TDRD9: variants seen among roughly 807,000 people sequenced by gnomAD.
The protein encoded by TDRD9 is ATP-dependent RNA helicase TDRD9.
A neutral mutation model predicts 172.6 loss-of-function variants in TDRD9; 124 were observed. The ratio of observed to expected loss-of-function variants is 0.72; its 90% CI spans 0.62 to 0.83. The LOEUF (loss-of-function observed/expected upper bound fraction) is 0.83, where lower values mean the gene tolerates loss of function less well. Ranked by LOEUF, TDRD9 falls within the 40% of genes least tolerant of loss-of-function variation. The pLI is 0.00. For missense variants in TDRD9, 1,479 were observed against 1,714.1 expected, an observed-to-expected ratio of 0.86 and a Z score of 2.42; for synonymous variants, 619 against 617.1, an observed-to-expected ratio of 1.00 and a Z score of -0.05.
At chr14:104,050,552 C>T (rs886685422) in intron 35 of TDRD9, among the ~76,000 whole-genome samples, 6 of 152,204 alleles carry the variant, frequency 3.9e-5, no homozygotes, top group Admixed American at 6.5e-5. Flanking sequence ...GGCAGTCTTC[C>T]CCTCCCCTTT....
At chr14:104,004,128 A>G in intron 13 of TDRD9, 110 bp from the exon 14 acceptor site, 1 of 510,730 alleles carries the variant, frequency 2.0e-6, no homozygotes, top group Non-Finnish European at 3.6e-6. Flanking sequence ...CTGGTGGAAG[A>G]TACTTAAGGC....
chr14:103,979,288 T>C (rs2033376316), intron 7 of TDRD9, among the ~76,000 whole-genome samples: 1 of 152,264 alleles, frequency 6.6e-6, no homozygotes. Flanking sequence ...CCATCTGTTG[T>C]ACACCTAGGT....
chr14:103,955,837 T>C, intron 2 of TDRD9, 67 bp downstream of exon 2: 1 of 1,329,396 alleles, frequency 7.5e-7, no homozygotes, highest in Non-Finnish European at 1.1e-6. Flanking sequence ...AATATTAGGT[T>C]CATAGTGCAT....
chr14:104,014,285 CTTT>C (rs977891365), intron 20 of TDRD9, among the ~76,000 whole-genome samples: 1 of 141,378 alleles, frequency 7.1e-6, no homozygotes, highest in African/African-American at 2.6e-5. Flanking sequence ...GAGATTATTT[CTTT>C]TTTTTTTTGG....
At chr14:103,946,505 C>T (rs2031567106) in intron 1 of TDRD9, among the ~76,000 whole-genome samples, 1 of 152,156 alleles carries the variant, frequency 6.6e-6, no homozygotes, top group Admixed American at 6.5e-5. Flanking sequence ...GAGGTTGCCG[C>T]CTTTCACCAC....
chr14:104,049,199 G>T (rs531224621), intron 34 of TDRD9, among the ~76,000 whole-genome samples: 208 of 151,938 alleles, frequency 1.4e-3, no homozygotes, highest in African/African-American at 4.6e-3. Flanking sequence ...TTTTTAGTGG[G>T]GAGAGGCTCT....
At chr14:104,011,883 CCA>C (rs2034623305) in intron 20 of TDRD9, among the ~76,000 whole-genome samples, 1 of 151,802 alleles carries the variant, frequency 6.6e-6, no homozygotes, top group Non-Finnish European at 1.5e-5. Flanking sequence ...TTTATTTTAG[CCA>C]AAGGATATGG....
At chr14:104,035,997 G>C (rs565086667) in intron 32 of TDRD9, among the ~76,000 whole-genome samples, 14 of 151,582 alleles carry the variant, frequency 9.2e-5, no homozygotes, top group African/African-American at 2.9e-4. Context: ...TTTTTTTTTA[G>C]TTGTAAGAAT....
rs1177848393 is a variant in TDRD9, at chr14:103,998,727, A to G, written c.1482A>G (p.Lys494=). The change falls in exon 13 of 36, where the codon AAA becomes AAG. Residue 494 remains lysine (K), a splice_region_variant and synonymous_variant. Transcript: ENST00000409874. ...CTAAAACCAGCTGTAATCAGAGAAA[A>G]GGTAAGACATTTGTGTTAAAGCACA... ...WASKTSCNQR[K]GRAGRVSRGY... 1 of 1,509,082 alleles carries G rather than the reference A, an allele frequency of 6.6e-7. No individual in the cohort carries two copies. The highest frequency in any genetic ancestry group is 9.2e-7 in the Non-Finnish European group (1 of 1,084,310). The allele number at this position is 1,509,082 out of a possible 1,614,324, so 93.5% of individuals were successfully genotyped here. A position where few individuals can be genotyped will look rare whatever the true frequency, so the allele number is the denominator to read the frequency against.
At position 103,938,434 on chromosome 14, in the gene TDRD9, A is replaced by ATTTTTT. The variant is rs1167863822; in HGVS notation, c.215+9711_215+9712insTTTTTT. Among the ~76,000 whole-genome samples, 174 of 34,862 alleles carry ATTTTTT rather than the reference A, an allele frequency of 5.0e-3. 3 individuals are homozygous for ATTTTTT. Among genetic ancestry groups the ATTTTTT allele is most frequent in the African/African-American group, 0.011 (111 of 9,954 alleles). The allele number at this position is 34,862 out of a possible 152,430, so 22.9% of individuals were successfully genotyped here. On this transcript the variant is annotated intron_variant, in intron 1 of 35. Transcript: ENST00000409874. ...TGTGTGTATATATATATATATATATATATATATTTTTTTTTTTTTTTTGAG... is the reference window on the plus strand; with the variant it reads ...TGTGTGTATATATATATATATATATATTTTTTTATATATTTTTTTTTTTTTTTTGAG...
In TDRD9 at chr14:103,947,389, G is replaced by T. The variant is rs190745727; in HGVS notation, c.216-8275G>T. The stretch of plus-strand genomic sequence containing the variant: ...CTGTCGCCCAGGCTGAAGTGCAGTG[G>T]CGATTTCTACTCACTGCAAGCTCTG... On this transcript the variant is annotated intron_variant, in intron 1 of 35. Coordinates refer to ENST00000409874, the MANE Select transcript of TDRD9 (RefSeq NM_153046.3). Among the ~76,000 whole-genome samples, 42 of 151,926 alleles carry T rather than the reference G, an allele frequency of 2.8e-4. 1 individual carries two copies. The East Asian group carries it at 7.3e-3, about 27-fold the overall frequency.
intron 6 of TDRD9, among the ~76,000 whole-genome samples, chr14:103,973,311 G>A (rs186586704): frequency 3.6e-4 from 55 of 152,264 alleles, no homozygotes; most frequent in African/African-American, 1.3e-3. Flanking sequence ...AGAGAGTGCC[G>A]CTGTCAAGAG....
intron 3 of TDRD9, 124 bp from the exon 4 acceptor site, chr14:103,965,209 C>T (rs901530445): frequency 9.4e-7 from 1 of 1,063,642 alleles, no homozygotes; most frequent in Non-Finnish European, 1.3e-6. Context: ...GAGACTCCAT[C>T]TCAAACAAAA....
intron 9 of TDRD9, among the ~76,000 whole-genome samples, chr14:103,992,389 G>A (rs77851299): frequency 0.029 from 4,354 of 152,284 alleles, 132 homozygotes; most frequent in African/African-American, 0.075. Context: ...CTTTTGTCAT[G>A]TTTTGCTTAG....
At chr14:103,992,044 A>C (rs887151057) in intron 9 of TDRD9, among the ~76,000 whole-genome samples, 6 of 152,240 alleles carry the variant, frequency 3.9e-5, no homozygotes, top group Admixed American at 6.5e-5. Flanking sequence ...ATCAGTTTGC[A>C]TTGAAAGCTT....
intron 35 of TDRD9, chr14:104,049,906 A>G: frequency 4.0e-6 from 2 of 505,350 alleles, no homozygotes; most frequent in South Asian, 6.8e-5. Context: ...AGACACCAGG[A>G]TAACTCACTG....
At chr14:103,965,735 G>A (rs1464841874) in intron 4 of TDRD9, among the ~76,000 whole-genome samples, 181 bp downstream of exon 4, 5 of 151,594 alleles carry the variant, frequency 3.3e-5, no homozygotes, top group African/African-American at 9.7e-5. Flanking sequence ...ACATTAGGTC[G>A]GGAGTTTGAG....
At chr14:104,013,522 G>A (rs2034680669) in intron 20 of TDRD9, 1 of 152,224 alleles carries the variant, frequency 6.6e-6, no homozygotes, top group South Asian at 2.1e-4. Flanking sequence ...CATCTCAGGG[G>A]TGTGTGTTTA....
In TDRD9 at chr14:103,997,020, G is replaced by A. The variant is rs1002486957; in HGVS notation, c.1378+1213G>A. Among the ~76,000 whole-genome samples the A allele has an allele frequency of 2.6e-5, 4 of 152,172 alleles. No homozygotes were observed. Among genetic ancestry groups the A allele is most frequent in the Admixed American group, 2.0e-4 (3 of 15,280 alleles). ...CCAGGGCAGCTGGACCAGTGTGAACGAAGGGGAAACGAGCCAGAAGAGAGG... is the reference window on the plus strand; with the variant it reads ...CCAGGGCAGCTGGACCAGTGTGAACAAAGGGGAAACGAGCCAGAAGAGAGG... On this transcript the variant is annotated intron_variant, in intron 12 of 35. Coordinates refer to ENST00000409874, the MANE Select transcript of TDRD9 (RefSeq NM_153046.3). This position sits in a 1 kb window ranked among gnomAD's most constrained non-coding sequence, Gnocchi z 5.1.
Sources: gnomAD v4.1 joint callset for allele counts (sites outside exome capture counted in the v4.1 genomes callset) on GRCh38, gnomAD v4.1.1 for gene constraint, Gnocchi (gnomAD v3.1) non-coding constraint, MANE v1.5 for transcripts, NCBI Gene and HGNC (gene_info 2026-07-23, HGNC 2026-07-21) for gene names.